The following PPP2R5D variants were observed in gnomAD, a reference collection of about 807,000 sequenced individuals.
PPP2R5D encodes serine/threonine-protein phosphatase 2A 56 kDa regulatory subunit delta isoform.
A neutral mutation model predicts 79.1 loss-of-function variants in PPP2R5D; 12 were observed. That is an observed-to-expected ratio of 0.15 (90% CI 0.10 to 0.25). The LOEUF is 0.25. Ranked by LOEUF, PPP2R5D falls within the 10% of genes least tolerant of loss-of-function variation. PPP2R5D has a pLI of 1.00. For missense variants in PPP2R5D, 419 were observed against 760.2 expected (o/e 0.55, Z 5.28); for synonymous variants, 277 against 286.6 (o/e 0.97, Z 0.34).
Position 43,010,461 on chromosome 6 carries a change from G to A in PPP2R5D, c.1380-7G>A. 6.2e-7 allele frequency: 1 copy of A among 1,613,594 alleles called. No homozygotes were observed. The highest frequency in any genetic ancestry group is 8.5e-7 in the Non-Finnish European group (1 of 1,179,594). On this transcript the variant is annotated splice_polypyrimidine_tract_variant and splice_region_variant and intron_variant, in intron 12 of 15. Coordinates refer to ENST00000485511, the MANE Select transcript of PPP2R5D (RefSeq NM_006245.4). This position sits in a 1 kb window ranked among gnomAD's most constrained non-coding sequence, Gnocchi z 4.7. ...CTCCTACACCTCATCTTTCTTCTTG[G>A]TGGCAGGACAATCCATGGACTGATC...
chr6:43,007,264 G>A lies in PPP2R5D; in HGVS notation c.591G>A (p.Glu197=). 6.2e-7 allele frequency: 1 copy of A among 1,614,176 alleles called. No homozygotes were observed. ...CCACAGGGGCTGAGTTTGACCCAGA[G>A]GAAGATGAGCCCACCCTGGAAGCTG... The part of the protein sequence containing the change: ...SNPTGAEFDP[E]EDEPTLEAAW... Residue 197 remains glutamate (E), a synonymous_variant, in exon 5 of 16, where the codon GAG becomes GAA. Transcript: ENST00000485511. This position sits in a 1 kb window ranked among gnomAD's most constrained non-coding sequence, Gnocchi z 4.5.
chr6:42,995,062 T>TGA (rs1343069037), intron 2 of PPP2R5D, among the ~76,000 whole-genome samples: 2 of 151,420 alleles, frequency 1.3e-5, no homozygotes, highest in Admixed American at 1.3e-4. Context: ...TCAACCCCTC[T>TGA]GAGCTGGCCC....
At chr6:42,998,470 C>A (rs574977458) in intron 2 of PPP2R5D, among the ~76,000 whole-genome samples, 1 of 151,988 alleles carries the variant, frequency 6.6e-6, no homozygotes, top group Non-Finnish European at 1.5e-5. Context: ...GTATGAGTGT[C>A]GTGTGGAAAT....
In PPP2R5D at chr6:43,007,125, A is replaced by G. The variant is rs2150278587; in HGVS notation, c.522+15A>G. Reference sequence around the variant, plus strand: ...CTGTCACCATGGTGGGCACAGGGAAAGGACACAGGGGGGACTGGTGAGGGG... The same window carrying G: ...CTGTCACCATGGTGGGCACAGGGAAGGGACACAGGGGGGACTGGTGAGGGG... On this transcript the variant is annotated intron_variant, in intron 4 of 15. Transcript: ENST00000485511. This position sits in a 1 kb window ranked among gnomAD's most constrained non-coding sequence, Gnocchi z 4.5. The G allele has an allele frequency of 6.2e-7, 1 of 1,614,156 alleles. No individual in the cohort carries two copies. Among genetic ancestry groups the G allele is most frequent in the Non-Finnish European group, 8.5e-7 (1 of 1,180,018 alleles).
chr6:42,997,765 C>G (rs923015625), intron 2 of PPP2R5D, among the ~76,000 whole-genome samples: 2 of 146,146 alleles, frequency 1.4e-5, no homozygotes, highest in African/African-American at 5.0e-5. Flanking sequence ...AGGCTGGTCT[C>G]CAACTCCTGA....
chr6:42,994,906 A>C (rs1177394585), intron 2 of PPP2R5D, among the ~76,000 whole-genome samples: 1 of 152,044 alleles, frequency 6.6e-6, no homozygotes, highest in Non-Finnish European at 1.5e-5. Context: ...GGGAGGAATA[A>C]ATTTTCCCAC....
chr6:43,003,483 C>G (rs905645616), intron 2 of PPP2R5D, among the ~76,000 whole-genome samples: 5 of 151,786 alleles, frequency 3.3e-5, no homozygotes, highest in Admixed American at 2.6e-4. Flanking sequence ...TGCATTTCTC[C>G]CATTATAAAA....
chr6:42,998,840 GCCTGGCCAACAT>G (rs1771976691), intron 2 of PPP2R5D, among the ~76,000 whole-genome samples: 5 of 152,230 alleles, frequency 3.3e-5, no homozygotes, highest in South Asian at 2.1e-4. Context: ...TTCGAGACCA[GCCTGGCCAACAT>G]GGTGAAACCC....
Position 42,998,900 on chromosome 6 carries a change from TG to T in PPP2R5D, c.106-7561del, listed in dbSNP as rs1281590188. On this transcript the variant is annotated intron_variant, in intron 2 of 15. Transcript: ENST00000485511. ...AAATACAAAAATTAGCCAGGCCTAG[TG>T]GTGCACGCCTGTAATCCCAGCTACT... 8.5e-5 allele frequency among the ~76,000 whole-genome samples: 13 copies of T among 152,184 alleles called. No individual in the cohort carries two copies. The East Asian group carries it at 2.5e-3, about 29-fold the overall frequency.
chr6:43,011,621 A>C lies in PPP2R5D; in HGVS notation c.*335A>C. 1 of 321,776 alleles carries C rather than the reference A, an allele frequency of 3.1e-6. No homozygotes were observed. The highest frequency in any genetic ancestry group is 6.6e-5 in the East Asian group (1 of 15,260). The allele number at this position is 321,776 out of a possible 1,614,324, so 19.9% of individuals were successfully genotyped here. A position where few individuals can be genotyped will look rare whatever the true frequency, so the allele number is the denominator to read the frequency against. ...CACACAGGAATACATACGCTCCTCT[A>C]TTCTTCCCTTCATCCTCATTTGAAC... On this transcript the variant is annotated 3_prime_UTR_variant, in exon 16 of 16. Transcript: ENST00000485511.
chr6:43,012,156 T>G lies in PPP2R5D; in HGVS notation c.*870T>G. ...GCTGGGCAGGCCTTCTCTTGTCCCTTATAGGTACCTTGGAGGGGCCAGGGG... is the reference window on the plus strand; with the variant it reads ...GCTGGGCAGGCCTTCTCTTGTCCCTGATAGGTACCTTGGAGGGGCCAGGGG... On this transcript the variant is annotated 3_prime_UTR_variant, in exon 16 of 16. Coordinates refer to ENST00000485511, the MANE Select transcript of PPP2R5D (RefSeq NM_006245.4). 1 of 1,045,960 alleles carries G rather than the reference T, an allele frequency of 9.6e-7. No individual in the cohort carries two copies. The highest frequency in any genetic ancestry group is 1.2e-6 in the Non-Finnish European group (1 of 862,124). The allele number at this position is 1,045,960 out of a possible 1,614,324, so 64.8% of individuals were successfully genotyped here. A position where few individuals can be genotyped will look rare whatever the true frequency, so the allele number is the denominator to read the frequency against.
rs115219326 is a variant in PPP2R5D, at chr6:43,011,671, T to C, written c.*385T>C. The C allele has an allele frequency of 2.4e-3, 560 of 231,142 alleles. 1 individual carries two copies. The highest frequency in any genetic ancestry group is 0.012 in the African/African-American group (508 of 43,914). 14.3% of individuals were successfully genotyped at this position (231,142 alleles called of 1,614,324 possible). A position where few individuals can be genotyped will look rare whatever the true frequency, so the allele number is the denominator to read the frequency against. On this transcript the variant is annotated 3_prime_UTR_variant, in exon 16 of 16. Transcript: ENST00000485511. ...CGCCAGGTATCTCCCCTCCTCTCTC[T>C]CCCCTGCAGAGGCATGTAGGGAACA...
chr6:43,002,248 C>T (rs1250353370), intron 2 of PPP2R5D, among the ~76,000 whole-genome samples: 3 of 151,834 alleles, frequency 2.0e-5, no homozygotes, highest in Non-Finnish European at 2.9e-5. Flanking sequence ...ACTGCAACCT[C>T]TGCCTCCCGA....
chr6:43,007,864 CTA>C lies in PPP2R5D; in HGVS notation c.727-69_727-68del. 5 of 1,591,470 alleles carry C rather than the reference CTA, an allele frequency of 3.1e-6. No individual in the cohort carries two copies. Among genetic ancestry groups the C allele is most frequent in the Non-Finnish European group, 4.3e-6 (5 of 1,162,028 alleles). On this transcript the variant is annotated intron_variant, in intron 6 of 15. Coordinates refer to ENST00000485511, the MANE Select transcript of PPP2R5D (RefSeq NM_006245.4). The surrounding 1 kb of genome is among the most constrained non-coding windows in gnomAD (Gnocchi z 4.5). Reference sequence around the variant, plus strand: ...ACCTCTGCATTTCCCCTGGCGGGACCTATGTCACCCTGGCCACTGCCTTCCCT... The same window carrying C: ...ACCTCTGCATTTCCCCTGGCGGGACCTGTCACCCTGGCCACTGCCTTCCCT...
Position 42,984,573 on chromosome 6 carries a change from G to A in PPP2R5D, c.-105G>A. On this transcript the variant is annotated 5_prime_UTR_variant, in exon 1 of 16. Coordinates refer to ENST00000485511, the MANE Select transcript of PPP2R5D (RefSeq NM_006245.4). The stretch of plus-strand genomic sequence containing the variant: ...GCAGGCACCGCTCGACCCGGGCGCA[G>A]CGCGCAGGCGGTGGCGAAGAGACGC... The A allele has an allele frequency of 4.1e-6, 6 of 1,454,346 alleles. No individual in the cohort carries two copies. The highest frequency in any genetic ancestry group is 3.6e-6 in the Non-Finnish European group (4 of 1,106,574). The allele number at this position is 1,454,346 out of a possible 1,614,324, so 90.1% of individuals were successfully genotyped here.
intron 2 of PPP2R5D, among the ~76,000 whole-genome samples, chr6:42,993,933 C>A (rs1430046345): frequency 6.6e-6 from 1 of 152,204 alleles, no homozygotes; most frequent in Admixed American, 6.5e-5. Flanking sequence ...ACTTTGCATA[C>A]ATTGTCTCAT....
At chr6:43,001,613 G>A (rs1581837107) in intron 2 of PPP2R5D, among the ~76,000 whole-genome samples, 5 of 152,036 alleles carry the variant, frequency 3.3e-5, no homozygotes, top group African/African-American at 1.2e-4. Flanking sequence ...GGCTGGGCAC[G>A]GTGGCTCACA....
At chr6:42,995,830 C>T (rs1306866432) in intron 2 of PPP2R5D, among the ~76,000 whole-genome samples, 3 of 150,772 alleles carry the variant, frequency 2.0e-5, no homozygotes, top group African/African-American at 7.3e-5. Context: ...ATCTTTTCCC[C>T]TCAGCCCCGA....
At chr6:42,992,944 T>C (rs938184144) in intron 2 of PPP2R5D, among the ~76,000 whole-genome samples, 7 of 152,154 alleles carry the variant, frequency 4.6e-5, no homozygotes, top group African/African-American at 1.7e-4. Flanking sequence ...GTGGATCACC[T>C]GAGGTCAGGA....
Sources: allele counts gnomAD v4.1 joint callset (sites outside exome capture counted in the v4.1 genomes callset), GRCh38; gene constraint gnomAD v4.1.1; non-coding constraint Gnocchi (gnomAD v3.1); transcripts MANE v1.5; gene names NCBI Gene and HGNC (gene_info 2026-07-23, HGNC 2026-07-21).